DPPA3: variants seen among roughly 807,000 people sequenced by gnomAD.
The protein encoded by DPPA3 is developmental pluripotency associated 3.
DPPA3 carries 9 observed loss-of-function variants against 15.6 expected under a neutral mutation model. The ratio of observed to expected loss-of-function variants is 0.58; its 90% confidence interval spans 0.35 to 1.01. The LOEUF is 1.01. DPPA3 is among the 50% of genes least tolerant of loss of function. The probability of loss-of-function intolerance (pLI) is 0.02; values close to 1 mark genes in which losing one functional copy is unlikely to be tolerated. For missense variants in DPPA3, 148 were observed against 194.6 expected, an observed-to-expected ratio of 0.76 and a Z score of 1.42; for synonymous variants, 61 against 70.9, an observed-to-expected ratio of 0.86 and a Z score of 0.70.
At chr12:7,714,914 C>T (rs1446199446) in intron 1 of DPPA3, among the ~76,000 whole-genome samples, 1 of 151,934 alleles carries the variant, frequency 6.6e-6, no homozygotes, top group African/African-American at 2.4e-5. Context: ...GGGGTTTCAC[C>T]GTATTAGCCA....
Position 7,715,419 on chromosome 12 carries a change from G to A in DPPA3, c.319G>A (p.Val107Ile). ...ATTGAGATACATGTTACTCGGCGGA[G>A]TTCGTACGGTATGTTGATGTGATGT... ...ARLRYMLLGG[V>I]RTHERRPTNK... Residue 107 changes from valine to isoleucine, a missense_variant, in exon 2 of 4, where the codon GTT becomes ATT. Coordinates refer to ENST00000345088, the MANE Select transcript of DPPA3 (RefSeq NM_199286.4). 6.2e-7 allele frequency: 1 copy of A among 1,614,052 alleles called. No individual in the cohort carries two copies. Among genetic ancestry groups the A allele is most frequent in the Non-Finnish European group, 8.5e-7 (1 of 1,179,988 alleles).
intron 2 of DPPA3, among the ~76,000 whole-genome samples, chr12:7,715,776 A>C (rs2136893822): frequency 6.6e-6 from 1 of 152,238 alleles, no homozygotes; most frequent in South Asian, 2.1e-4. Context: ...CAGCCTGGGC[A>C]ACAAGAACAA....
At chr12:7,711,775 G>C in intron 1 of DPPA3, 123 bp downstream of exon 1, 1 of 822,534 alleles carries the variant, frequency 1.2e-6, no homozygotes, top group South Asian at 2.1e-5. Context: ...CTTTGCAAGA[G>C]GAATGTATTT....
At chr12:7,716,853 G>T (rs1864406429) in intron 3 of DPPA3, 114 bp from the exon 4 acceptor site, 4 of 963,654 alleles carry the variant, frequency 4.2e-6, no homozygotes, top group Admixed American at 2.5e-5. Context: ...GTCCTTTTTT[G>T]TGTGTGTTCC....
chr12:7,716,859 G>A, intron 3 of DPPA3, 108 bp from the exon 4 acceptor site: 1 of 1,028,906 alleles, frequency 9.7e-7, no homozygotes, highest in Non-Finnish European at 1.5e-6. Context: ...TTTTGTGTGT[G>A]TTCCCTGTTC....
intron 3 of DPPA3, 31 bp downstream of exon 3, chr12:7,716,270 T>A: frequency 2.1e-6 from 2 of 964,388 alleles, no homozygotes; most frequent in Non-Finnish European, 2.6e-6. Context: ...TTTATTTTCC[T>A]TTTTTTTTTT....
In DPPA3 at chr12:7,712,077, G is replaced by GGCTATTT. The variant is rs71038728; in HGVS notation, c.82+425_82+426insGCTATTT. ...ACTACAGGCGCCCGCCACCGCGCCC[G>GGCTATTT]TTTTTTTTTTTGTATTTTTGGTAGA... On this transcript the variant is annotated intron_variant, in intron 1 of 3. Transcript: ENST00000345088. Among the ~76,000 whole-genome samples the GGCTATTT allele has an allele frequency of 2.2e-3, 171 of 77,974 alleles. 71 individuals are homozygous for GGCTATTT. Among genetic ancestry groups the GGCTATTT allele is most frequent in the East Asian group, 4.1e-3 (11 of 2,676 alleles). 51.2% of individuals were successfully genotyped at this position (77,974 alleles called of 152,430 possible).
intron 1 of DPPA3, among the ~76,000 whole-genome samples, chr12:7,713,777 C>G (rs1786425790): frequency 6.6e-6 from 1 of 152,196 alleles, no homozygotes; most frequent in Non-Finnish European, 1.5e-5. Flanking sequence ...TTTTTCTTGT[C>G]TCTTTCACAA....
intron 3 of DPPA3, 67 bp from the exon 4 acceptor site, chr12:7,716,900 T>G (rs1864407015): frequency 1.4e-6 from 2 of 1,389,234 alleles, no homozygotes; most frequent in East Asian, 4.6e-5. Context: ...AACATTATAG[T>G]TGAGGGCTTA....
chr12:7,716,375 T>C lies in DPPA3; in HGVS notation c.369+136T>C, dbSNP rs1007073155. The C allele has an allele frequency of 1.1e-5, 7 of 653,564 alleles. No individual in the cohort carries two copies. The Admixed American group carries it at 1.5e-4, about 14-fold the overall frequency. The allele number at this position is 653,564 out of a possible 1,614,324, so 40.5% of individuals were successfully genotyped here. ...GGACTTTCTGAATCCCCAGGGACTCTGGATAAGTCAGTTCATGTTTGTAGT... is the reference window on the plus strand; with the variant it reads ...GGACTTTCTGAATCCCCAGGGACTCCGGATAAGTCAGTTCATGTTTGTAGT... On this transcript the variant is annotated intron_variant, in intron 3 of 3. Transcript: ENST00000345088.
chr12:7,712,765 ATTTTT>A (rs1171482269), intron 1 of DPPA3, among the ~76,000 whole-genome samples: 2 of 142,200 alleles, frequency 1.4e-5, no homozygotes, highest in Non-Finnish European at 3.1e-5. Context: ...TTTTATTTTT[ATTTTT>A]GACAGTGGGT....
chr12:7,711,519 T>C lies in DPPA3; in HGVS notation c.-52T>C. On this transcript the variant is annotated 5_prime_UTR_variant, in exon 1 of 4. Coordinates refer to ENST00000345088, the MANE Select transcript of DPPA3 (RefSeq NM_199286.4). ...GCAATTTGAGGCTCTGTCATCAGTT[T>C]CTGCTACGTTTCAAAGATCCTGGAG... 3 of 1,550,082 alleles carry C rather than the reference T, an allele frequency of 1.9e-6. No individual in the cohort carries two copies. The South Asian group carries it at 3.6e-5, about 18-fold the overall frequency.
At chr12:7,715,955 G>C (rs560371303) in intron 2 of DPPA3, among the ~76,000 whole-genome samples, 24 of 152,018 alleles carry the variant, frequency 1.6e-4, no homozygotes, top group Admixed American at 3.9e-4. Flanking sequence ...TGGGTGTAGT[G>C]GTGCGTGCCT....
intron 1 of DPPA3, among the ~76,000 whole-genome samples, chr12:7,714,161 C>A (rs1171622579): frequency 6.7e-6 from 1 of 149,888 alleles, no homozygotes; most frequent in Non-Finnish European, 1.5e-5. Context: ...ACCCGGGAGG[C>A]GGAGCTTGCA....
chr12:7,713,627 T>C (rs1001070848), intron 1 of DPPA3, among the ~76,000 whole-genome samples: 6 of 152,126 alleles, frequency 3.9e-5, no homozygotes, highest in African/African-American at 1.4e-4. Context: ...TTTCCCAAAA[T>C]AGAGTTTGAG....
chr12:7,717,060 A>T lies in DPPA3; in HGVS notation c.463A>T (p.Lys155Ter). 1 of 1,612,918 alleles carries T rather than the reference A, an allele frequency of 6.2e-7. No individual in the cohort carries two copies. Among genetic ancestry groups the T allele is most frequent in the Non-Finnish European group, 8.5e-7 (1 of 1,179,486 alleles). Residue 155 changes from lysine (K) to a stop codon, truncating the protein, a stop_gained, in exon 4 of 4, where the codon AAG (lysine) becomes TAG (stop). Coordinates refer to ENST00000345088, the MANE Select transcript of DPPA3 (RefSeq NM_199286.4). LOFTEE classifies it low-confidence loss of function (END_TRUNC). ...ENARIGNQDTKPLQP is the reference protein window; with the variant it reads ...ENARIGNQDT ...TGCTAGAATAGGGAATCAAGACACC[A>T]AGCCACTTCAGCCATAAATCTTATT... is the stretch of plus-strand genomic sequence containing the variant.
At position 7,715,284 on chromosome 12, in the gene DPPA3, C is replaced by A. The variant is rs753598013; in HGVS notation, c.184C>A (p.Arg62Ser). The change falls in exon 2 of 4, where the codon CGT (arginine) becomes AGT (serine). Residue 62 changes from arginine to serine, a missense_variant. Physicochemically the swap from Arg to Ser is moderately radical, Grantham distance 110 (BLOSUM62 -1). Coordinates refer to ENST00000345088, the MANE Select transcript of DPPA3 (RefSeq NM_199286.4). ...TTCCCCTCTATCGGAAGCTTTACTC[C>A]GTCGAGAGTCTGTAGGAGCAGCAGT... Reference protein sequence around the residue: ...SVSPLSEALLRRESVGAAVLR... With the variant: ...SVSPLSEALLSRESVGAAVLR... The A allele has an allele frequency of 1.2e-6, 2 of 1,613,846 alleles. No individual in the cohort carries two copies. Among genetic ancestry groups the A allele is most frequent in the South Asian group, 2.2e-5 (2 of 91,058 alleles).
At position 7,711,481 on chromosome 12, in the gene DPPA3, G is replaced by C. The variant is rs1300378463; in HGVS notation, c.-90G>C. ...GAGCTCCGGTTTTCAGCCTCTTTCC[G>C]GGCTACCTGGTAGCAATTTGAGGCT... On this transcript the variant is annotated 5_prime_UTR_variant, in exon 1 of 4. Transcript: ENST00000345088. The C allele has an allele frequency of 8.1e-7, 1 of 1,234,770 alleles. No homozygotes were observed. The highest frequency in any genetic ancestry group is 2.7e-5 in the East Asian group (1 of 37,288). The allele number at this position is 1,234,770 out of a possible 1,614,324, so 76.5% of individuals were successfully genotyped here.
chr12:7,716,773 A>C (rs1864405507), intron 3 of DPPA3, among the ~76,000 whole-genome samples, 194 bp from the exon 4 acceptor site: 5 of 152,140 alleles, frequency 3.3e-5, no homozygotes, highest in African/African-American at 9.7e-5. Context: ...AATGACCCAC[A>C]AGCTGCCATT....
Sources: gnomAD v4.1 joint callset for allele counts (sites outside exome capture counted in the v4.1 genomes callset) on GRCh38, gnomAD v4.1.1 for gene constraint, MANE v1.5 for transcripts, NCBI Gene and HGNC (gene_info 2026-07-23, HGNC 2026-07-21) for gene names.